The following TRERF1 variants were observed in gnomAD, a reference collection of about 807,000 sequenced individuals.
The protein encoded by TRERF1 is transcriptional-regulating factor 1.
TRERF1 carries 27 observed loss-of-function variants against 122.9 expected under a neutral mutation model. The ratio of observed to expected loss-of-function variants is 0.22; its 90% CI spans 0.16 to 0.30. TRERF1 has a LOEUF of 0.30. Among genes scored for constraint, TRERF1 ranks in the 10% least tolerant of loss-of-function variants. The pLI, the probability that TRERF1 is intolerant of heterozygous loss-of-function variation, is 1.00. For synonymous variants in TRERF1, 636 were observed against 641.7 expected (o/e 0.99, Z 0.13); for missense variants, 1,248 against 1,560.3 (o/e 0.80, Z 3.37).
chr6:42,333,629 T>C (rs778159984), intron 3 of TRERF1, among the ~76,000 whole-genome samples: 3 of 152,120 alleles, frequency 2.0e-5, no homozygotes, highest in Non-Finnish European at 4.4e-5. Flanking sequence ...CCACCACTGG[T>C]AGGTAAAGGG....
At chr6:42,428,914 A>G (rs1784058284) in intron 2 of TRERF1, among the ~76,000 whole-genome samples, 1 of 152,150 alleles carries the variant, frequency 6.6e-6, no homozygotes, top group Non-Finnish European at 1.5e-5. Context: ...CCACAGATAG[A>G]GAAGTCCAAT....
At chr6:42,254,803 C>T (rs776986657) in intron 13 of TRERF1, 48 bp downstream of exon 13, 1 of 1,550,008 alleles carries the variant, frequency 6.5e-7, no homozygotes, top group Non-Finnish European at 8.9e-7. Flanking sequence ...AACATGCAAG[C>T]AGCCCGTCGT....
chr6:42,377,536 G>A (rs1775126541), intron 2 of TRERF1, among the ~76,000 whole-genome samples: 1 of 152,174 alleles, frequency 6.6e-6, no homozygotes, highest in Non-Finnish European at 1.5e-5. Context: ...TCCATTGTAT[G>A]GATATAACAC....
Position 42,240,202 on chromosome 6 carries a change from A to G in TRERF1, c.2859+3046T>C, listed in dbSNP as rs187402559. On this transcript the variant is annotated intron_variant, in intron 15 of 17. Coordinates refer to ENST00000372922, the Ensembl canonical transcript of TRERF1. ...GAATTCACAGAAGGAATGTTTATGA[A>G]TCAGAGCAACTCCTATCTTCGAAAA... Among the ~76,000 whole-genome samples, 335 of 152,350 alleles carry G rather than the reference A, an allele frequency of 2.2e-3. 2 individuals carry two copies. The highest frequency in any genetic ancestry group is 7.7e-3 in the African/African-American group (319 of 41,584).
intron 13 of TRERF1, among the ~76,000 whole-genome samples, chr6:42,251,426 G>C (rs1284920130): frequency 6.6e-6 from 1 of 152,092 alleles, no homozygotes; most frequent in African/African-American, 2.4e-5. Flanking sequence ...ATTTTTTGGG[G>C]GGTGCAAGTT....
intron 4 of TRERF1, among the ~76,000 whole-genome samples, chr6:42,298,876 G>A (rs1349246957): frequency 1.3e-5 from 2 of 152,104 alleles, no homozygotes; most frequent in Non-Finnish European, 2.9e-5. Context: ...GGAGGTGCAG[G>A]TTGCAGGGAG....
intron 2 of TRERF1, among the ~76,000 whole-genome samples, chr6:42,420,516 C>A (rs533554263): frequency 6.6e-6 from 1 of 151,848 alleles, no homozygotes; most frequent in Non-Finnish European, 1.5e-5. Context: ...TGTTGCATTG[C>A]GGTATTTTAT....
At chr6:42,249,640 T>C (rs1226184373) in intron 13 of TRERF1, among the ~76,000 whole-genome samples, 1 of 152,152 alleles carries the variant, frequency 6.6e-6, no homozygotes, top group Non-Finnish European at 1.5e-5. Flanking sequence ...CATCCTGAGA[T>C]GGAGTGGGCT....
intron 2 of TRERF1, among the ~76,000 whole-genome samples, chr6:42,431,055 G>A (rs1784424497): frequency 7.1e-6 from 1 of 141,426 alleles, no homozygotes. Flanking sequence ...GCAAGACTCA[G>A]TCTCAAAAAA....
Position 42,264,165 on chromosome 6 carries a change from T to G in TRERF1, c.1635+539A>C, listed in dbSNP as rs138311260. Among the ~76,000 whole-genome samples the G allele has an allele frequency of 1.5e-3, 225 of 152,332 alleles. 1 individual carries two copies. Among genetic ancestry groups the G allele is most frequent in the African/African-American group, 5.1e-3 (213 of 41,570 alleles). On this transcript the variant is annotated intron_variant, in intron 7 of 17. Transcript: ENST00000372922. ...AATATTAAAATAATTCTGAGAAAAT[T>G]TTTTGATTTTAATCTAACTCTAAAA...
At chr6:42,266,127 G>A (rs1779123515) in intron 5 of TRERF1, among the ~76,000 whole-genome samples, 1 of 151,922 alleles carries the variant, frequency 6.6e-6, no homozygotes, top group African/African-American at 2.4e-5. Flanking sequence ...ATTCCCATAA[G>A]GGACACAGAA....
At chr6:42,247,770 A>G (rs1311377487) in intron 13 of TRERF1, among the ~76,000 whole-genome samples, 1 of 152,130 alleles carries the variant, frequency 6.6e-6, no homozygotes, top group African/African-American at 2.4e-5. Context: ...GGCTCTAGGG[A>G]AGCTTCCACC....
chr6:42,300,560 G>A (rs1445639633), intron 4 of TRERF1, 78 bp downstream of exon 4: 1 of 152,606 alleles, frequency 6.6e-6, no homozygotes, highest in Non-Finnish European at 1.5e-5. Flanking sequence ...CATAGCAAGG[G>A]ATTACAAATG....
intron 4 of TRERF1, among the ~76,000 whole-genome samples, chr6:42,295,898 CAT>C (rs1399556742): frequency 6.6e-6 from 1 of 152,142 alleles, no homozygotes; most frequent in Non-Finnish European, 1.5e-5. Flanking sequence ...GGAAACGACA[CAT>C]GTCTAGGTGT....
intron 2 of TRERF1, among the ~76,000 whole-genome samples, chr6:42,421,020 G>A (rs1386374903): frequency 2.6e-5 from 4 of 152,216 alleles, no homozygotes; most frequent in Admixed American, 2.6e-4. Context: ...ACAGGCTTTT[G>A]AGAAAGCTGG....
chr6:42,445,353 G>GACACACAGACAC (rs1456072507), intron 2 of TRERF1, among the ~76,000 whole-genome samples: 17 of 86,724 alleles, frequency 2.0e-4, no homozygotes, highest in African/African-American at 3.9e-4. Context: ...TACACACACA[G>GACACACAGACAC]ACACACACAC....
chr6:42,410,201 G>T (rs1442748015), intron 2 of TRERF1, among the ~76,000 whole-genome samples: 2 of 152,146 alleles, frequency 1.3e-5, no homozygotes, highest in African/African-American at 4.8e-5. Context: ...GAGTGCTGTG[G>T]CATGATCAGG....
At chr6:42,451,848 C>G (rs1788607923) in intron 1 of TRERF1, among the ~76,000 whole-genome samples, 1 of 151,914 alleles carries the variant, frequency 6.6e-6, no homozygotes, top group Non-Finnish European at 1.5e-5. Flanking sequence ...CCGGGCTGCG[C>G]GCGTGCATCC....
In TRERF1 at chr6:42,228,982, C is replaced by A. The variant is rs1040673655; in HGVS notation, c.3279-313G>T. ...CTCTTTCTCCTCTTTCAGCCTCCCCCTTCTCCTCATCACTGACCATGCCCT... is the reference window on the plus strand; with the variant it reads ...CTCTTTCTCCTCTTTCAGCCTCCCCATTCTCCTCATCACTGACCATGCCCT... On this transcript the variant is annotated intron_variant, in intron 17 of 17. Transcript: ENST00000372922. The surrounding 1 kb of genome is among the most constrained non-coding windows in gnomAD (Gnocchi z 4.2). 1.3e-5 allele frequency among the ~76,000 whole-genome samples: 2 copies of A among 152,240 alleles called. No individual in the cohort carries two copies. Among genetic ancestry groups the A allele is most frequent in the Admixed American group, 6.5e-5 (1 of 15,292 alleles).
Sources: gnomAD v4.1 joint callset for allele counts (sites outside exome capture counted in the v4.1 genomes callset) on GRCh38, gnomAD v4.1.1 for gene constraint, Gnocchi (gnomAD v3.1) non-coding constraint, MANE v1.5 for transcripts, NCBI Gene and HGNC (gene_info 2026-07-23, HGNC 2026-07-21) for gene names.